The following TFIP11 variants were observed in gnomAD, a reference collection of about 807,000 sequenced individuals.
The protein encoded by TFIP11 is tuftelin interacting protein 11.
A neutral mutation model predicts 96.8 loss-of-function variants in TFIP11; 86 were observed. The observed-to-expected ratio is 0.89, with a 90% confidence interval of 0.75 to 1.06. The LOEUF is 1.06. Ranked by LOEUF, TFIP11 falls within the 50% of genes least tolerant of loss-of-function variation. The pLI, the probability that TFIP11 is intolerant of heterozygous loss-of-function variation, is 0.00. For synonymous variants in TFIP11, 405 were observed against 395.2 expected (o/e 1.02, Z -0.29); for missense variants, 881 against 1,076.7 (o/e 0.82, Z 2.54).
intron 6 of TFIP11, 24 bp downstream of exon 6, chr22:26,506,279 T>C (rs1345696008): frequency 1.3e-6 from 2 of 1,571,834 alleles, no homozygotes; most frequent in Non-Finnish European, 1.7e-6. Flanking sequence ...TCCTCCATCA[T>C]GCAAGACGAC....
chr22:26,494,985 A>G (rs1427233876), intron 12 of TFIP11, 46 bp from the exon 13 acceptor site: 1 of 1,607,520 alleles, frequency 6.2e-7, no homozygotes, highest in Non-Finnish European at 8.5e-7. Context: ...AGTACTGGCA[A>G]AGCCAAAGAA....
intron 8 of TFIP11, 137 bp from the exon 9 acceptor site, chr22:26,499,768 T>C: frequency 1.1e-6 from 1 of 918,300 alleles, no homozygotes; most frequent in Non-Finnish European, 1.6e-6. Context: ...AGGGCAGTGT[T>C]GTAAAGTGGG....
At chr22:26,493,966 G>T in intron 14 of TFIP11, 173 bp downstream of exon 14, 1 of 654,418 alleles carries the variant, frequency 1.5e-6, no homozygotes, top group African/African-American at 1.8e-5. Flanking sequence ...GGCAGTGGGT[G>T]CCAGCTGACC....
At chr22:26,498,835 G>T in intron 10 of TFIP11, 34 bp downstream of exon 10, 1 of 1,559,326 alleles carries the variant, frequency 6.4e-7, no homozygotes, top group African/African-American at 1.4e-5. Flanking sequence ...CAGGAGAAAG[G>T]AGCTGGGGTA....
chr22:26,506,836 T>C lies in TFIP11; in HGVS notation c.302A>G (p.Glu101Gly). ...EEAELEDSDD[E>G]EKPVKQDDFP... ...GTCGTCCTGCTTAACAGGTTTCTCT[T>C]CGTCATCAGAATCTTCCAACTCTGC... The change falls in exon 5 of 15, where the codon GAA (glutamate) becomes GGA (glycine). Residue 101 changes from glutamate (E) to glycine (G), a missense_variant. Transcript: ENST00000407690. The C allele has an allele frequency of 6.2e-7, 1 of 1,614,244 alleles. No homozygotes were observed. The highest frequency in any genetic ancestry group is 8.5e-7 in the Non-Finnish European group (1 of 1,180,044).
Position 26,509,937 on chromosome 22 carries a change from T to C in TFIP11, c.209+127A>G, listed in dbSNP as rs574858438. 1,619 of 877,336 alleles carry C rather than the reference T, an allele frequency of 1.8e-3. 4 individuals are homozygous for C. Among genetic ancestry groups the C allele is most frequent in the Non-Finnish European group, 2.5e-3 (1,408 of 554,108 alleles). The allele number at this position is 877,336 out of a possible 1,614,324, so 54.3% of individuals were successfully genotyped here. On this transcript the variant is annotated intron_variant, in intron 4 of 14. Coordinates refer to ENST00000407690, the MANE Select transcript of TFIP11 (RefSeq NM_012143.4). ...GAGGAAACCAGACCTCTCGAGATGA[T>C]GTCACAGCTAACAGTCTCAACAAGG...
chr22:26,507,860 T>A (rs1048865834), intron 4 of TFIP11, among the ~76,000 whole-genome samples: 7 of 152,178 alleles, frequency 4.6e-5, no homozygotes. Flanking sequence ...CAGCGGCTCA[T>A]GCCCATAATC....
In TFIP11 at chr22:26,501,994, G is replaced by C; in HGVS notation, c.707C>G (p.Pro236Arg). Residue 236 changes from proline to arginine, a missense_variant, in exon 8 of 15, where the codon CCC (proline) becomes CGC (arginine). By Grantham distance (103) the Pro-to-Arg change is moderately radical. Coordinates refer to ENST00000407690, the MANE Select transcript of TFIP11 (RefSeq NM_012143.4). ...TTCCACGGTCTTGTAAGAGTATTTG[G>C]GCTTCTTCTTGCTTCCACTTGGGTC... The part of the protein sequence containing the change: ...RKDPSGSKKK[P>R]KYSYKTVEEL... The C allele has an allele frequency of 6.2e-7, 1 of 1,613,710 alleles. No homozygotes were observed. Among genetic ancestry groups the C allele is most frequent in the Non-Finnish European group, 8.5e-7 (1 of 1,179,954 alleles).
At chr22:26,495,087 G>C in intron 12 of TFIP11, 148 bp from the exon 13 acceptor site, 2 of 979,980 alleles carry the variant, frequency 2.0e-6, no homozygotes, top group South Asian at 1.6e-5. Flanking sequence ...TCAGCCTCCC[G>C]AGTAGCTGGG....
At position 26,510,260 on chromosome 22, in the gene TFIP11, G is replaced by T. The variant is rs767949786; in HGVS notation, c.13C>A (p.His5Asn). The T allele has an allele frequency of 1.2e-6, 2 of 1,613,970 alleles. No individual in the cohort carries two copies. The highest frequency in any genetic ancestry group is 2.7e-5 in the African/African-American group (2 of 74,870). Residue 5 changes from histidine (H) to asparagine (N), a missense_variant, in exon 4 of 15, where the codon CAC becomes AAC. Physicochemically the swap from His to Asn is moderately conservative, Grantham distance 68 (BLOSUM62 1). Transcript: ENST00000407690. MSLSHLYRDGEGRID... is the reference protein window; with the variant it reads MSLSNLYRDGEGRID... Reference sequence around the variant, plus strand: ...CGGCCTTCCCCATCCCGGTATAAGTGGGACAATGACATGGCCAGTCACTAA... The same window carrying T: ...CGGCCTTCCCCATCCCGGTATAAGTTGGACAATGACATGGCCAGTCACTAA...
At chr22:26,495,351 C>T (rs1921813526) in intron 12 of TFIP11, among the ~76,000 whole-genome samples, 1 of 136,820 alleles carries the variant, frequency 7.3e-6, no homozygotes, top group Admixed American at 7.9e-5. Context: ...GATCTTGGCT[C>T]ACTGCAACCT....
At chr22:26,501,318 T>C (rs747064310) in intron 8 of TFIP11, among the ~76,000 whole-genome samples, 3 of 152,198 alleles carry the variant, frequency 2.0e-5, no homozygotes, top group Non-Finnish European at 4.4e-5. Flanking sequence ...AGAGAGTTAA[T>C]ACAACCTTCT....
At chr22:26,502,352 T>C in intron 7 of TFIP11, among the ~76,000 whole-genome samples, 1 of 152,230 alleles carries the variant, frequency 6.6e-6, no homozygotes, top group Middle Eastern at 3.2e-3. Context: ...GGGCAGGCAC[T>C]ATACTACTTT....
chr22:26,510,426 A>C (rs1225108821), intron 3 of TFIP11, 145 bp from the exon 4 acceptor site: 1 of 749,106 alleles, frequency 1.3e-6, no homozygotes, highest in East Asian at 2.7e-5. Context: ...TTCAATAAAA[A>C]AGATATTAAA....
intron 2 of TFIP11, chr22:26,511,261 A>AG (rs1247721472): frequency 3.3e-5 from 5 of 152,230 alleles, no homozygotes; most frequent in African/African-American, 1.2e-4. Flanking sequence ...CTGGGAGGCT[A>AG]GGCCAGTCTC....
chr22:26,508,843 CAA>C (rs134139), intron 4 of TFIP11, among the ~76,000 whole-genome samples: 272 of 138,946 alleles, frequency 2.0e-3, no homozygotes, highest in Middle Eastern at 7.1e-3. Flanking sequence ...GACTTCATCT[CAA>C]AAAAAAAAAA....
intron 14 of TFIP11, 156 bp from the exon 15 acceptor site, chr22:26,492,524 C>T (rs892821577): frequency 5.9e-5 from 38 of 647,670 alleles, no homozygotes; most frequent in Middle Eastern, 4.2e-4. Context: ...GAAGTTTAGA[C>T]GACTGGCCAG....
intron 13 of TFIP11, 87 bp downstream of exon 13, chr22:26,494,710 T>C: frequency 6.4e-7 from 1 of 1,552,484 alleles, no homozygotes. Flanking sequence ...CATTATGGAA[T>C]TGTACCTACA....
chr22:26,496,299 C>T lies in TFIP11; in HGVS notation c.1623G>A (p.Pro541=), dbSNP rs199710883. 23 of 1,598,208 alleles carry T rather than the reference C, an allele frequency of 1.4e-5. No homozygotes were observed. Among genetic ancestry groups the T allele is most frequent in the Non-Finnish European group, 1.9e-5 (22 of 1,168,430 alleles). Residue 541 remains proline, a synonymous_variant, in exon 12 of 15, where the codon CCG becomes CCA. Transcript: ENST00000407690. ...KLQKEVENWN[P]LTDTVPIHSW... ...AGTGGATGGGAACAGTGTCTGTGAG[C>T]GGGTTCCAGTTTTCCACCTGCGAAG...
Sources: allele counts gnomAD v4.1 joint callset (sites outside exome capture counted in the v4.1 genomes callset), GRCh38; gene constraint gnomAD v4.1.1; transcripts MANE v1.5; gene names NCBI Gene and HGNC (gene_info 2026-07-23, HGNC 2026-07-21).